The following DNM1 variants were observed in gnomAD, a reference collection of about 807,000 sequenced individuals.
DNM1 encodes dynamin-1.
A neutral mutation model predicts 104.6 loss-of-function variants in DNM1; 29 were observed. That is an observed-to-expected ratio of 0.28 (90% CI 0.21 to 0.38). The LOEUF is 0.38. DNM1 is among the 10% of genes least tolerant of loss of function. The pLI is 1.00. For missense variants in DNM1, 640 were observed against 1,189.4 expected, an observed-to-expected ratio of 0.54 and a Z score of 6.79; for synonymous variants, 445 against 475.8, an observed-to-expected ratio of 0.94 and a Z score of 0.84.
intron 1 of DNM1, among the ~76,000 whole-genome samples, chr9:128,205,471 A>C (rs1833883591): frequency 6.6e-6 from 1 of 152,164 alleles, no homozygotes; most frequent in Non-Finnish European, 1.5e-5. Flanking sequence ...TGGAGGTTAG[A>C]TGCCTTGCCC....
intron 16 of DNM1, 108 bp downstream of exon 16, chr9:128,246,611 C>G (rs1836832360): frequency 1.3e-6 from 1 of 745,092 alleles, no homozygotes; most frequent in Non-Finnish European, 2.4e-6. Flanking sequence ...CTAGGCCCCA[C>G]AGCAAGCCAT....
At chr9:128,211,993 G>A (rs1472494036) in intron 1 of DNM1, among the ~76,000 whole-genome samples, 1 of 152,212 alleles carries the variant, frequency 6.6e-6, no homozygotes, top group Non-Finnish European at 1.5e-5. Flanking sequence ...GGGAAAGGAG[G>A]CCACTAGCCA....
chr9:128,248,444 G>C lies in DNM1; in HGVS notation c.1906-139G>C. The C allele has an allele frequency of 2.1e-6, 2 of 931,056 alleles. No individual in the cohort carries two copies. Among genetic ancestry groups the C allele is most frequent in the African/African-American group, 1.7e-5 (1 of 60,330 alleles). The allele number at this position is 931,056 out of a possible 1,614,324, so 57.7% of individuals were successfully genotyped here. ...GTCCTGAGAGGCACAGGGATGCGGA[G>C]CCAGGTATGTATTCAGGCCAGTCGC... On this transcript the variant is annotated intron_variant, in intron 18 of 21. Coordinates refer to ENST00000372923, the MANE Select transcript of DNM1 (RefSeq NM_004408.4). This position sits in a 1 kb window ranked among gnomAD's most constrained non-coding sequence, Gnocchi z 5.6.
At chr9:128,236,714 A>T (rs1448215874) in intron 11 of DNM1, among the ~76,000 whole-genome samples, 1 of 152,094 alleles carries the variant, frequency 6.6e-6, no homozygotes, top group Non-Finnish European at 1.5e-5. Context: ...TAGCTAGGTG[A>T]GGCGGCATGC....
rs1162729889 is a variant in DNM1, at chr9:128,220,726, AGTGCGCGC to A, written c.849+387_849+394del. Among the ~76,000 whole-genome samples the A allele has an allele frequency of 4.5e-5, 6 of 133,392 alleles. No individual in the cohort carries two copies. The highest frequency in any genetic ancestry group is 1.5e-4 in the Admixed American group (2 of 13,092). The allele number at this position is 133,392 out of a possible 152,430, so 87.5% of individuals were successfully genotyped here. A position where few individuals can be genotyped will look rare whatever the true frequency, so the allele number is the denominator to read the frequency against. On this transcript the variant is annotated intron_variant, in intron 6 of 21. Coordinates refer to ENST00000372923, the MANE Select transcript of DNM1 (RefSeq NM_004408.4). This position sits in a 1 kb window ranked among gnomAD's most constrained non-coding sequence, Gnocchi z 5.2. ...TCTGGAATGGGGCATCCAGAACTGA[AGTGCGCGC>A]GCGCGCGCGTGTGTGTGTGTGTGTG... is the stretch of plus-strand genomic sequence containing the variant.
intron 1 of DNM1, among the ~76,000 whole-genome samples, chr9:128,214,911 C>T (rs1834514969): frequency 6.6e-6 from 1 of 152,230 alleles, no homozygotes; most frequent in Non-Finnish European, 1.5e-5. Context: ...TAGTCTGGAT[C>T]CCCACTGGGG....
In DNM1 at chr9:128,245,056, G is replaced by A. The variant is rs540586378; in HGVS notation, c.1672-1338G>A. 3.8e-5 allele frequency: 10 copies of A among 266,630 alleles called. No individual in the cohort carries two copies. In the East Asian group the frequency reaches 9.6e-4, roughly 25 times the overall value. The allele number at this position is 266,630 out of a possible 1,614,324, so 16.5% of individuals were successfully genotyped here. A position where few individuals can be genotyped will look rare whatever the true frequency, so the allele number is the denominator to read the frequency against. On this transcript the variant is annotated intron_variant, in intron 15 of 21. Coordinates refer to ENST00000372923, the MANE Select transcript of DNM1 (RefSeq NM_004408.4). The surrounding 1 kb of genome is among the most constrained non-coding windows in gnomAD (Gnocchi z 5.2). ...TGAGGAGGGGGCCGGCCGGCAGGAA[G>A]GGAGGGGTGGGGGGAGGAGGCCGCT...
chr9:128,222,415 T>C lies in DNM1; in HGVS notation c.993-46T>C, dbSNP rs762573779. 6.2e-7 allele frequency: 1 copy of C among 1,611,176 alleles called. No homozygotes were observed. The highest frequency in any genetic ancestry group is 8.5e-7 in the Non-Finnish European group (1 of 1,177,734). On this transcript the variant is annotated intron_variant, in intron 7 of 21. Transcript: ENST00000372923. The surrounding 1 kb of genome is among the most constrained non-coding windows in gnomAD (Gnocchi z 7.8). ...CGTGGGGCTCTCCCAGGGTTCCCTT[T>C]GCTGGGCTGCTCCTGCCCCCTCAGG...
chr9:128,239,378 C>T, intron 11 of DNM1, 67 bp from the exon 12 acceptor site: 6 of 1,226,782 alleles, frequency 4.9e-6, no homozygotes, highest in South Asian at 4.9e-5. Flanking sequence ...TTTCTCCCAG[C>T]TTGCCCTGCA....
Position 128,252,877 on chromosome 9 carries a change from T to A in DNM1, c.2535-1777T>A. 5 of 685,354 alleles carry A rather than the reference T, an allele frequency of 7.3e-6. No homozygotes were observed. The South Asian group carries it at 7.7e-5, about 11-fold the overall frequency. 42.5% of individuals were successfully genotyped at this position (685,354 alleles called of 1,614,324 possible). A position where few individuals can be genotyped will look rare whatever the true frequency, so the allele number is the denominator to read the frequency against. On this transcript the variant is annotated intron_variant, in intron 21 of 21. Transcript: ENST00000372923. ...GTGGCTGCATGCCCCAGATCCATGCTGCACGCGCCGCCGGCCAGTGAGGGT... is the reference window on the plus strand; with the variant it reads ...GTGGCTGCATGCCCCAGATCCATGCAGCACGCGCCGCCGGCCAGTGAGGGT...
At chr9:128,231,803 A>G (rs1027485318) in intron 10 of DNM1, among the ~76,000 whole-genome samples, 1 of 152,170 alleles carries the variant, frequency 6.6e-6, no homozygotes, top group Non-Finnish European at 1.5e-5. Context: ...CATTTTCCAC[A>G]TGGAGAAACT....
intron 1 of DNM1, among the ~76,000 whole-genome samples, chr9:128,207,073 C>A (rs963852979): frequency 1.5e-4 from 23 of 151,968 alleles, no homozygotes; most frequent in Admixed American, 1.3e-4. Flanking sequence ...AAAGAGGAAT[C>A]AATGATGACT....
Position 128,203,690 on chromosome 9 carries a change from G to C in DNM1, c.161+59G>C. On this transcript the variant is annotated intron_variant, in intron 1 of 21. Coordinates refer to ENST00000372923, the MANE Select transcript of DNM1 (RefSeq NM_004408.4). The surrounding 1 kb of genome is among the most constrained non-coding windows in gnomAD (Gnocchi z 5.3). ...GACCCCCGGGATCCCTGGAGTCCCC[G>C]CCCGGGGCACTGACGGCGCGGCGAC... is the stretch of plus-strand genomic sequence containing the variant. 7.2e-7 allele frequency: 1 copy of C among 1,395,988 alleles called. No homozygotes were observed. The highest frequency in any genetic ancestry group is 3.4e-5 in the Admixed American group (1 of 29,170). 86.5% of individuals were successfully genotyped at this position (1,395,988 alleles called of 1,614,324 possible).
intron 11 of DNM1, among the ~76,000 whole-genome samples, chr9:128,237,626 C>T (rs546229619): frequency 1.6e-4 from 25 of 152,264 alleles, no homozygotes; most frequent in Admixed American, 6.5e-4. Flanking sequence ...GTGTCATAAT[C>T]TATTTCACCC....
chr9:128,248,720 G>T lies in DNM1; in HGVS notation c.2043G>T (p.Met681Ile). 6.2e-7 allele frequency: 1 copy of T among 1,613,878 alleles called. No individual in the cohort carries two copies. ...TCAACAAGACCGTGAGGGACCTCAT[G>T]CCCAAGACCATCATGCACCTCATGA... ...AIVNKTVRDL[M>I]PKTIMHLMIN... The change falls in exon 19 of 22, where the codon ATG (methionine) becomes ATT (isoleucine). Residue 681 changes from methionine to isoleucine, a missense_variant. By Grantham distance (10) the Met-to-Ile change is conservative. Coordinates refer to ENST00000372923, the MANE Select transcript of DNM1 (RefSeq NM_004408.4). The surrounding 1 kb of genome is among the most constrained non-coding windows in gnomAD (Gnocchi z 5.6).
At chr9:128,205,093 A>G (rs1051516915) in intron 1 of DNM1, among the ~76,000 whole-genome samples, 2 of 152,184 alleles carry the variant, frequency 1.3e-5, no homozygotes, top group Admixed American at 6.5e-5. Context: ...AGGGGAAGGC[A>G]TCTGTCTCTC....
intron 11 of DNM1, among the ~76,000 whole-genome samples, chr9:128,236,863 A>C (rs1002062072): frequency 2.0e-5 from 3 of 152,192 alleles, no homozygotes; most frequent in Non-Finnish European, 4.4e-5. Context: ...GTAATACCCC[A>C]AAAAGCAAAC....
Position 128,227,053 on chromosome 9 carries a change from C to G in DNM1, c.1335+2664C>G, listed in dbSNP as rs34490391. Among the ~76,000 whole-genome samples, 107 of 124,066 alleles carry G rather than the reference C, an allele frequency of 8.6e-4. 2 individuals are homozygous for G. The South Asian group carries it at 0.027, about 31-fold the overall frequency. The allele number at this position is 124,066 out of a possible 152,430, so 81.4% of individuals were successfully genotyped here. ...TTTTTGAGATGGAATCTTGCTCTGT[C>G]GCCCAGGCTGGAGTGCAGTGGCACC... is the stretch of plus-strand genomic sequence containing the variant. On this transcript the variant is annotated intron_variant, in intron 10 of 21. Transcript: ENST00000372923.
rs958137100 is a variant in DNM1 at position 128,224,504 on chromosome 9, G to A, written c.1335+115G>A. 11 of 1,014,010 alleles carry A rather than the reference G, an allele frequency of 1.1e-5. No homozygotes were observed. The highest frequency in any genetic ancestry group is 7.9e-5 in the South Asian group (4 of 50,610). 62.8% of individuals were successfully genotyped at this position (1,014,010 alleles called of 1,614,324 possible). ...CTCGGTAGCATGTACAGACCTCAGCGGGGTGGGGAGGCAGGCCACCACTGA... is the reference window on the plus strand; with the variant it reads ...CTCGGTAGCATGTACAGACCTCAGCAGGGTGGGGAGGCAGGCCACCACTGA... On this transcript the variant is annotated intron_variant, in intron 10 of 21. Coordinates refer to ENST00000372923, the MANE Select transcript of DNM1 (RefSeq NM_004408.4). This position sits in a 1 kb window ranked among gnomAD's most constrained non-coding sequence, Gnocchi z 4.3.
Sources: allele counts gnomAD v4.1 joint callset (sites outside exome capture counted in the v4.1 genomes callset), GRCh38; gene constraint gnomAD v4.1.1; non-coding constraint Gnocchi (gnomAD v3.1); transcripts MANE v1.5; gene names NCBI Gene and HGNC (gene_info 2026-07-23, HGNC 2026-07-21).